Variants in CCDC88A observed in about 807,000 individuals in gnomAD.
CCDC88A encodes girdin.
Under a neutral mutation model 234.3 loss-of-function variants are expected in CCDC88A, and 54 were observed. That is an observed-to-expected ratio of 0.23 (90% confidence interval 0.19 to 0.29). The LOEUF (loss-of-function observed/expected upper bound fraction) is 0.29. CCDC88A is among the 10% of genes least tolerant of loss of function. The probability of loss-of-function intolerance (pLI) is 1.00; values close to 1 mark genes in which losing one functional copy is unlikely to be tolerated. For missense variants in CCDC88A, 1,832 were observed against 2,123.4 expected, an observed-to-expected ratio of 0.86 and a Z score of 2.70; for synonymous variants, 753 against 737.8, an observed-to-expected ratio of 1.02 and a Z score of -0.33.
Position 55,317,593 on chromosome 2 carries a change from A to C in CCDC88A, c.3573T>G (p.Leu1191=). Reference sequence around the variant, plus strand: ...CTTCAAGGTCTCTATGTTCCACCTCAAGATTTTTGTGGGCAGACTTCAGAG... The same window carrying C: ...CTTCAAGGTCTCTATGTTCCACCTCCAGATTTTTGTGGGCAGACTTCAGAG... ...HGTLKSAHKN[L]EVEHRDLEDR... is the part of the protein sequence containing the mutation. Residue 1191 remains leucine (L), a synonymous_variant, in exon 20 of 33, where the codon CTT becomes CTG. Coordinates refer to ENST00000436346, the MANE Select transcript of CCDC88A (RefSeq NM_001365480.1). This position sits in a 1 kb window ranked among gnomAD's most constrained non-coding sequence, Gnocchi z 4.2. 1.3e-6 allele frequency: 2 copies of C among 1,586,074 alleles called. No individual in the cohort carries two copies. The highest frequency in any genetic ancestry group is 1.3e-5 in the African/African-American group (1 of 74,394).
chr2:55,406,292 A>G (rs909984469), intron 2 of CCDC88A: 3 of 152,224 alleles, frequency 2.0e-5, no homozygotes, highest in Non-Finnish European at 2.9e-5. Flanking sequence ...ACCTTCAAAT[A>G]TGAGAAAACT....
At chr2:55,411,895 C>T (rs1574521862) in intron 2 of CCDC88A, among the ~76,000 whole-genome samples, 1 of 151,840 alleles carries the variant, frequency 6.6e-6, no homozygotes, top group Admixed American at 6.6e-5. Flanking sequence ...TGAAATCTTG[C>T]TCCTATCACC....
chr2:55,362,948 G>C (rs1157717571), intron 6 of CCDC88A, among the ~76,000 whole-genome samples: 2 of 151,898 alleles, frequency 1.3e-5, no homozygotes, highest in Non-Finnish European at 2.9e-5. Flanking sequence ...GAAAAGAATG[G>C]AAAAGTTATA....
rs979835918 is a variant in CCDC88A at position 55,328,206 on chromosome 2, T to C, written c.2997+88A>G. 3.0e-6 allele frequency: 3 copies of C among 999,922 alleles called. No individual in the cohort carries two copies. Among genetic ancestry groups the C allele is most frequent in the Admixed American group, 6.0e-5 (2 of 33,510 alleles). 61.9% of individuals were successfully genotyped at this position (999,922 alleles called of 1,614,324 possible). A position where few individuals can be genotyped will look rare whatever the true frequency, so the allele number is the denominator to read the frequency against. On this transcript the variant is annotated intron_variant, in intron 17 of 32. Transcript: ENST00000436346. This position sits in a 1 kb window ranked among gnomAD's most constrained non-coding sequence, Gnocchi z 4.3. ...ATAGACTAAATATCAATAAAATGTT[T>C]ATATTTTTATTTTCTACTTTATATT...
At chr2:55,339,050 G>C (rs1335877328) in intron 13 of CCDC88A, 1 of 153,406 alleles carries the variant, frequency 6.5e-6, no homozygotes, top group East Asian at 1.9e-4. Context: ...TCCACCTCCC[G>C]GGTTCGAGAG....
chr2:55,348,140 T>C (rs1049518582), intron 9 of CCDC88A, among the ~76,000 whole-genome samples: 4 of 151,992 alleles, frequency 2.6e-5, no homozygotes, highest in African/African-American at 4.8e-5. Context: ...ATTTTTTCAT[T>C]TTTTTGTAGC....
chr2:55,403,841 T>C (rs1017521828), intron 2 of CCDC88A: 3 of 152,224 alleles, frequency 2.0e-5, no homozygotes, highest in African/African-American at 4.8e-5. Context: ...ATAGATTCAA[T>C]GGACAGCACT....
At chr2:55,372,257 G>A (rs1230751230) in intron 5 of CCDC88A, among the ~76,000 whole-genome samples, 195 bp downstream of exon 5, 2 of 152,038 alleles carry the variant, frequency 1.3e-5, no homozygotes, top group Admixed American at 6.6e-5. Flanking sequence ...CTATGATAAT[G>A]TAACTAAATT....
rs191517302 is a variant in CCDC88A, at chr2:55,308,782, C to T, written c.4387+27G>A. ...CTTTAGAAAGGATTCTAAATCAATACGATGTTTAAAGAGTTTAAGCACTCA... is the reference window on the plus strand; with the variant it reads ...CTTTAGAAAGGATTCTAAATCAATATGATGTTTAAAGAGTTTAAGCACTCA... On this transcript the variant is annotated intron_variant, in intron 25 of 32. Coordinates refer to ENST00000436346, the MANE Select transcript of CCDC88A (RefSeq NM_001365480.1). The T allele has an allele frequency of 1.0e-4, 154 of 1,538,562 alleles. No individual in the cohort carries two copies. The African/African-American group carries it at 1.4e-3, about 14-fold the overall frequency.
intron 2 of CCDC88A, among the ~76,000 whole-genome samples, chr2:55,408,814 C>T (rs1680010284): frequency 6.6e-6 from 1 of 152,106 alleles, no homozygotes; most frequent in Non-Finnish European, 1.5e-5. Flanking sequence ...GATCCAAGAA[C>T]CCTCTCTTGG....
Position 55,388,817 on chromosome 2 carries a change from A to G in CCDC88A, c.234T>C (p.Asn78=), listed in dbSNP as rs1676126460. ...TTATCTGTCTCACCAAAATGGATAG[A>G]TTGTGCATTCTAAGTGAGGCATCAT... The part of the protein sequence containing the change: ...VNNDASLRMH[N]LSILVRQIKF... Residue 78 remains asparagine, a synonymous_variant, in exon 3 of 33, where the codon AAT becomes AAC. Transcript: ENST00000436346. 5.2e-6 allele frequency: 8 copies of G among 1,536,536 alleles called. No homozygotes were observed. Among genetic ancestry groups the G allele is most frequent in the Non-Finnish European group, 7.1e-6 (8 of 1,125,740 alleles).
In CCDC88A at chr2:55,335,254, C is replaced by CA. The variant is rs985666897; in HGVS notation, c.1657-91dup. 2.6e-6 allele frequency: 2 copies of CA among 778,026 alleles called. No homozygotes were observed. Among genetic ancestry groups the CA allele is most frequent in the Non-Finnish European group, 3.9e-6 (2 of 515,464 alleles). 48.2% of individuals were successfully genotyped at this position (778,026 alleles called of 1,614,324 possible). On this transcript the variant is annotated intron_variant, in intron 14 of 32. Transcript: ENST00000436346. The surrounding 1 kb of genome is among the most constrained non-coding windows in gnomAD (Gnocchi z 4.5). ...CCAAAAACTACCAAGAAAAGGGGAACAAAAAAAGGGTGCTAGAACATGTCT... is the reference window on the plus strand; with the variant it reads ...CCAAAAACTACCAAGAAAAGGGGAACAAAAAAAAGGGTGCTAGAACATGTCT...
At chr2:55,295,476 C>T (rs1324095360) in intron 31 of CCDC88A, 121 bp downstream of exon 31, 2 of 1,582,574 alleles carry the variant, frequency 1.3e-6, no homozygotes, top group African/African-American at 1.3e-5. Context: ...TCTTGAGTTT[C>T]TAGCCTGGGC....
intron 4 of CCDC88A, among the ~76,000 whole-genome samples, chr2:55,374,460 G>C (rs1412854326): frequency 1.3e-5 from 2 of 152,124 alleles, no homozygotes; most frequent in Non-Finnish European, 2.9e-5. Flanking sequence ...TATATGAATA[G>C]AAACCTGGAA....
At chr2:55,377,030 C>T (rs914274803) in intron 3 of CCDC88A, among the ~76,000 whole-genome samples, 3 of 152,076 alleles carry the variant, frequency 2.0e-5, no homozygotes, top group Admixed American at 2.0e-4. Context: ...GACAGGGTTT[C>T]ACCATCTTGG....
At chr2:55,299,428 A>T (rs1287052494) in intron 29 of CCDC88A, among the ~76,000 whole-genome samples, 1 of 152,222 alleles carries the variant, frequency 6.6e-6, no homozygotes, top group Admixed American at 6.5e-5. Flanking sequence ...CAAATTAAAC[A>T]CAAAATCCTT....
chr2:55,388,311 T>C (rs982645398), intron 3 of CCDC88A, among the ~76,000 whole-genome samples: 1 of 152,188 alleles, frequency 6.6e-6, no homozygotes, highest in South Asian at 2.1e-4. Context: ...AGAAAATGCA[T>C]AGAAATAATC....
At chr2:55,390,920 G>T (rs1226578426) in intron 2 of CCDC88A, among the ~76,000 whole-genome samples, 2 of 152,082 alleles carry the variant, frequency 1.3e-5, no homozygotes, top group African/African-American at 2.4e-5. Context: ...CGGGAGGAAT[G>T]CCTGAGGCCA....
At chr2:55,333,906 C>T (rs1040585135) in intron 15 of CCDC88A, among the ~76,000 whole-genome samples, 188 bp downstream of exon 15, 3 of 151,914 alleles carry the variant, frequency 2.0e-5, no homozygotes, top group African/African-American at 7.2e-5. Context: ...TTTAAAAATA[C>T]AATTTATAGG....
Sources: allele counts gnomAD v4.1 joint callset (sites outside exome capture counted in the v4.1 genomes callset), GRCh38; gene constraint gnomAD v4.1.1; non-coding constraint Gnocchi (gnomAD v3.1); transcripts MANE v1.5; gene names NCBI Gene and HGNC (gene_info 2026-07-23, HGNC 2026-07-21).